The following FAM227B variants were observed in gnomAD, a reference collection of about 807,000 sequenced individuals.
The protein encoded by FAM227B is protein FAM227B.
FAM227B carries 88 observed loss-of-function variants against 73.8 expected under a neutral mutation model. That is an observed-to-expected ratio of 1.19 (90% CI 1.00 to 1.42). The LOEUF (loss-of-function observed/expected upper bound fraction) is 1.42, where lower values mean the gene tolerates loss of function less well. Ranked by LOEUF, FAM227B falls within the 40% of genes most tolerant of loss-of-function variation. The pLI, the probability that FAM227B is intolerant of heterozygous loss-of-function variation, is 0.00. For synonymous variants in FAM227B, 210 were observed against 190.5 expected, an observed-to-expected ratio of 1.10 and a Z score of -0.84; for missense variants, 632 against 590.9, an observed-to-expected ratio of 1.07 and a Z score of -0.72.
At chr15:49,394,793 T>C (rs1008241689) in intron 11 of FAM227B, among the ~76,000 whole-genome samples, 1 of 152,172 alleles carries the variant, frequency 6.6e-6, no homozygotes, top group African/African-American at 2.4e-5. Context: ...AAAGTCTATA[T>C]ATTGCTGAGA....
intron 13 of FAM227B, among the ~76,000 whole-genome samples, chr15:49,366,925 C>G (rs1195570816): frequency 6.6e-6 from 1 of 152,164 alleles, no homozygotes; most frequent in Non-Finnish European, 1.5e-5. Flanking sequence ...GAAGATAGGA[C>G]TGTAAAAAAC....
chr15:49,459,058 A>G (rs889292755), intron 11 of FAM227B, among the ~76,000 whole-genome samples: 1 of 152,200 alleles, frequency 6.6e-6, no homozygotes, highest in Non-Finnish European at 1.5e-5. Flanking sequence ...CTCAACTAAT[A>G]TATCTTCCTT....
rs554560958 is a variant in FAM227B, at chr15:49,536,084, A to G, written c.874+5596T>C. Among the ~76,000 whole-genome samples, 18 of 150,606 alleles carry G rather than the reference A, an allele frequency of 1.2e-4. No individual in the cohort carries two copies. The East Asian group carries it at 2.5e-3, about 21-fold the overall frequency. ...AAGGGCAATCAGACAAAAAAAAAAA[A>G]AAAAAAGAAAAAAGAAAGAAAAAAC... On this transcript the variant is annotated intron_variant, in intron 10 of 15. Coordinates refer to ENST00000299338, the MANE Select transcript of FAM227B (RefSeq NM_152647.3).
At chr15:49,518,839 C>T (rs1300703396) in intron 10 of FAM227B, among the ~76,000 whole-genome samples, 7 of 152,180 alleles carry the variant, frequency 4.6e-5, no homozygotes, top group Non-Finnish European at 7.3e-5. Context: ...TTTCAAAATA[C>T]AATCATGCCC....
intron 11 of FAM227B, among the ~76,000 whole-genome samples, chr15:49,433,391 G>A (rs1311371820): frequency 6.6e-6 from 1 of 151,506 alleles, no homozygotes; most frequent in South Asian, 2.1e-4. Context: ...AGTGTAAGAG[G>A]TGAAAGGGTA....
At chr15:49,351,432 C>T (rs12232354) in intron 13 of FAM227B, among the ~76,000 whole-genome samples, 6,146 of 152,208 alleles carry the variant, frequency 0.04, 224 homozygotes, top group East Asian at 0.17. Flanking sequence ...TACCATAGGA[C>T]AATGTTGATT....
chr15:49,571,973 T>C (rs1382773783), intron 8 of FAM227B, among the ~76,000 whole-genome samples: 4 of 152,050 alleles, frequency 2.6e-5, no homozygotes, highest in Non-Finnish European at 5.9e-5. Context: ...ATTCTTTCAA[T>C]CTATAAACAC....
intron 10 of FAM227B, among the ~76,000 whole-genome samples, chr15:49,541,258 G>C (rs1229263084): frequency 6.6e-6 from 1 of 151,950 alleles, no homozygotes; most frequent in Non-Finnish European, 1.5e-5. Context: ...CACACACACA[G>C]TGATTCACAA....
intron 9 of FAM227B, among the ~76,000 whole-genome samples, chr15:49,553,816 G>C (rs1329322470): frequency 6.6e-6 from 1 of 152,138 alleles, no homozygotes; most frequent in Non-Finnish European, 1.5e-5. Flanking sequence ...TCTGGCCCAG[G>C]GCAGGTCCAG....
intron 13 of FAM227B, 113 bp downstream of exon 13, chr15:49,367,335 A>C: frequency 2.1e-6 from 2 of 964,948 alleles, no homozygotes; most frequent in South Asian, 4.4e-5. Context: ...TACTAAACAG[A>C]AGCATTGATA....
At position 49,395,286 on chromosome 15, in the gene FAM227B, A is replaced by T. The variant is rs569105592; in HGVS notation, c.1013-23887T>A. Among the ~76,000 whole-genome samples the T allele has an allele frequency of 1.3e-4, 20 of 152,240 alleles. No individual in the cohort carries two copies. In the East Asian group the frequency reaches 1.3e-3, roughly 10 times the overall value. On this transcript the variant is annotated intron_variant, in intron 11 of 15. Coordinates refer to ENST00000299338, the MANE Select transcript of FAM227B (RefSeq NM_152647.3). Reference sequence around the variant, plus strand: ...TTTGTAAGAAGAATAAAGATGGTTTAAAAAAATCACTTTTGCTTCTCAGTA... The same window carrying T: ...TTTGTAAGAAGAATAAAGATGGTTTTAAAAAATCACTTTTGCTTCTCAGTA...
intron 1 of FAM227B, among the ~76,000 whole-genome samples, chr15:49,617,776 TTGTGTG>T (rs67917912): frequency 0.032 from 4,741 of 148,188 alleles, 264 homozygotes; most frequent in African/African-American, 0.11. Flanking sequence ...CTTTCATGTT[TTGTGTG>T]TGTGTGTGTG....
At chr15:49,559,260 T>C (rs2074035752) in intron 9 of FAM227B, among the ~76,000 whole-genome samples, 1 of 152,148 alleles carries the variant, frequency 6.6e-6, no homozygotes, top group Non-Finnish European at 1.5e-5. Context: ...ACTCCTCCCA[T>C]TAACCCTCAT....
chr15:49,345,083 A>G (rs886383684), intron 13 of FAM227B, among the ~76,000 whole-genome samples: 3 of 152,190 alleles, frequency 2.0e-5, no homozygotes, highest in East Asian at 3.8e-4. Flanking sequence ...TTATTCTTCT[A>G]CAAAGTTATT....
intron 11 of FAM227B, among the ~76,000 whole-genome samples, chr15:49,455,027 A>G (rs1383090794): frequency 6.6e-6 from 1 of 152,172 alleles, no homozygotes; most frequent in Non-Finnish European, 1.5e-5. Context: ...AAACAGCAGT[A>G]TGATTTAAAG....
At chr15:49,468,915 T>C (rs967411174) in intron 11 of FAM227B, among the ~76,000 whole-genome samples, 2 of 152,098 alleles carry the variant, frequency 1.3e-5, no homozygotes, top group Admixed American at 1.3e-4. Context: ...TTTTTCTATT[T>C]CACTGTCACT....
At chr15:49,360,632 T>A (rs2044051454) in intron 13 of FAM227B, among the ~76,000 whole-genome samples, 2 of 152,136 alleles carry the variant, frequency 1.3e-5, no homozygotes, top group African/African-American at 4.8e-5. Flanking sequence ...ATTCTGCAGT[T>A]TAAAGATATA....
intron 13 of FAM227B, among the ~76,000 whole-genome samples, chr15:49,357,868 C>G (rs565974338): frequency 2.5e-4 from 38 of 151,980 alleles, no homozygotes; most frequent in African/African-American, 8.0e-4. Flanking sequence ...ATCCAGCAGC[C>G]CATCAAAAAG....
chr15:49,525,348 C>T (rs1018991854), intron 10 of FAM227B, among the ~76,000 whole-genome samples: 1 of 152,038 alleles, frequency 6.6e-6, no homozygotes, highest in East Asian at 1.9e-4. Flanking sequence ...TAAGACATGA[C>T]TTGTTCCTCC....
Sources: gnomAD v4.1 joint callset for allele counts (sites outside exome capture counted in the v4.1 genomes callset) on GRCh38, gnomAD v4.1.1 for gene constraint, MANE v1.5 for transcripts, NCBI Gene and HGNC (gene_info 2026-07-23, HGNC 2026-07-21) for gene names.